Variants in ACAN observed in about 807,000 individuals in gnomAD.
ACAN encodes aggrecan.
Under a neutral mutation model 169.1 loss-of-function variants are expected in ACAN, and 47 were observed. The ratio of observed to expected loss-of-function variants is 0.28; its 90% CI spans 0.22 to 0.35. The LOEUF (loss-of-function observed/expected upper bound fraction) is 0.35. Among genes scored for constraint, ACAN ranks in the 10% least tolerant of loss-of-function variants. ACAN has a pLI of 1.00. For missense variants in ACAN, 2,716 were observed against 2,759.9 expected (o/e 0.98, Z 0.36); for synonymous variants, 1,115 against 1,112.2 (o/e 1.00, Z -0.05).
chr15:88,832,824 C>T (rs1896397504), intron 1 of ACAN, among the ~76,000 whole-genome samples: 1 of 152,222 alleles, frequency 6.6e-6, no homozygotes, highest in Non-Finnish European at 1.5e-5. Context: ...GAGAGGCTCA[C>T]TCAGGCCTGA....
chr15:88,839,168 T>C lies in ACAN; in HGVS notation c.454+122T>C. ...GCTCCTCCACGCACCTCAGCCAAGT[T>C]ACTTAACTTCAGCTGCTTCCTCTGT... On this transcript the variant is annotated intron_variant, in intron 3 of 18. Transcript: ENST00000560601. The surrounding 1 kb of genome is among the most constrained non-coding windows in gnomAD (Gnocchi z 4.5). 7.7e-7 allele frequency: 1 copy of C among 1,290,442 alleles called. No homozygotes were observed. Among genetic ancestry groups the C allele is most frequent in the Non-Finnish European group, 1.1e-6 (1 of 937,848 alleles). 79.9% of individuals were successfully genotyped at this position (1,290,442 alleles called of 1,614,324 possible).
chr15:88,871,893 G>A lies in ACAN; in HGVS notation c.7220-110G>A. On this transcript the variant is annotated intron_variant, in intron 15 of 18. Transcript: ENST00000560601. The surrounding 1 kb of genome is among the most constrained non-coding windows in gnomAD (Gnocchi z 7.8). ...AGAAGCACGTGCCTTGCTCCTAGGA[G>A]CCCACCCACCTCCTTTCCTCCTCCA... 2.0e-6 allele frequency: 2 copies of A among 1,011,570 alleles called. No homozygotes were observed. Among genetic ancestry groups the A allele is most frequent in the Non-Finnish European group, 3.1e-6 (2 of 641,436 alleles). The allele number at this position is 1,011,570 out of a possible 1,614,324, so 62.7% of individuals were successfully genotyped here. A position where few individuals can be genotyped will look rare whatever the true frequency, so the allele number is the denominator to read the frequency against.
Position 88,839,895 on chromosome 15 carries a change from A to G in ACAN, c.455-117A>G. On this transcript the variant is annotated intron_variant, in intron 3 of 18. Transcript: ENST00000560601. This position sits in a 1 kb window ranked among gnomAD's most constrained non-coding sequence, Gnocchi z 4.5. ...TGTACAGGGAGTCATGCATCAGCCC[A>G]GACCAGCCAGTTCCCTAAGGTCCCT... 2.3e-6 allele frequency: 3 copies of G among 1,280,472 alleles called. No homozygotes were observed. The highest frequency in any genetic ancestry group is 1.1e-6 in the Non-Finnish European group (1 of 924,112). 79.3% of individuals were successfully genotyped at this position (1,280,472 alleles called of 1,614,324 possible).
At chr15:88,867,765 C>CAGGAA (rs913236011) in intron 13 of ACAN, among the ~76,000 whole-genome samples, 1 of 152,166 alleles carries the variant, frequency 6.6e-6, no homozygotes, top group Admixed American at 6.5e-5. Flanking sequence ...CAAAGGAAGC[C>CAGGAA]AGGAAAAGAA....
chr15:88,845,281 T>C (rs1260071124), intron 6 of ACAN, among the ~76,000 whole-genome samples: 1 of 152,220 alleles, frequency 6.6e-6, no homozygotes, highest in Non-Finnish European at 1.5e-5. Context: ...TGCCCTCTGA[T>C]AGCTCTTGCA....
rs1400993152 is a variant in ACAN at position 88,807,555 on chromosome 15, G to A, written c.-8+3746G>A. ...GGCCCCTGGACGCAGTTGAAGAAGG[G>A]CCACTGGGAGGCCGGCAGAACAAGG... On this transcript the variant is annotated intron_variant, in intron 1 of 18. Coordinates refer to ENST00000560601, the MANE Select transcript of ACAN (RefSeq NM_001369268.1). This position sits in a 1 kb window ranked among gnomAD's most constrained non-coding sequence, Gnocchi z 4.0. Among the ~76,000 whole-genome samples, 1 of 152,192 alleles carries A rather than the reference G, an allele frequency of 6.6e-6. No homozygotes were observed. Among genetic ancestry groups the A allele is most frequent in the Non-Finnish European group, 1.5e-5 (1 of 68,028 alleles).
At chr15:88,833,732 C>A (rs780186627) in intron 1 of ACAN, among the ~76,000 whole-genome samples, 6 of 66,784 alleles carry the variant, frequency 9.0e-5, no homozygotes, top group South Asian at 7.0e-4. Flanking sequence ...CCCCTACCCC[C>A]ACTCTCCTCC....
intron 2 of ACAN, among the ~76,000 whole-genome samples, chr15:88,836,598 T>C (rs1896509763): frequency 6.6e-6 from 1 of 152,180 alleles, no homozygotes; most frequent in African/African-American, 2.4e-5. Context: ...GCACTGAGCT[T>C]GCCGGAGGGG....
chr15:88,818,208 C>T (rs1041997369), intron 1 of ACAN, among the ~76,000 whole-genome samples: 1 of 152,174 alleles, frequency 6.6e-6, no homozygotes, highest in Admixed American at 6.5e-5. Flanking sequence ...AGGAGAGAGC[C>T]ATGTCTGCAA....
intron 2 of ACAN, 33 bp downstream of exon 2, chr15:88,836,309 C>T (rs1896502470): frequency 1.1e-5 from 18 of 1,569,998 alleles, no homozygotes; most frequent in Non-Finnish European, 1.6e-5. Flanking sequence ...TTCACGTATT[C>T]AGTAGGCATG....
chr15:88,860,309 T>TC lies in ACAN; in HGVS notation c.6833-13dup, dbSNP rs1202722692. 6.3e-7 allele frequency: 1 copy of TC among 1,580,476 alleles called. No individual in the cohort carries two copies. Reference sequence around the variant, plus strand: ...GACTGTGTTCTTGATGCTCAACCTCTCCCCTGGGGGTTGCAGCCCCCGCCA... The same window carrying TC: ...GACTGTGTTCTTGATGCTCAACCTCTCCCCCTGGGGGTTGCAGCCCCCGCCA... On this transcript the variant is annotated splice_polypyrimidine_tract_variant and intron_variant, in intron 12 of 18. Transcript: ENST00000560601.
At position 88,843,860 on chromosome 15, in the gene ACAN, G is replaced by A. The variant is rs928232141; in HGVS notation, c.1051+212G>A. Reference sequence around the variant, plus strand: ...TTGAGACTGCAGCGTATCTAGCTCTGTCTCATCGGATCAGCACAGACGAGG... The same window carrying A: ...TTGAGACTGCAGCGTATCTAGCTCTATCTCATCGGATCAGCACAGACGAGG... On this transcript the variant is annotated intron_variant, in intron 6 of 18. Transcript: ENST00000560601. This position sits in a 1 kb window ranked among gnomAD's most constrained non-coding sequence, Gnocchi z 4.0. 6.6e-6 allele frequency among the ~76,000 whole-genome samples: 1 copy of A among 152,172 alleles called. No individual in the cohort carries two copies. The highest frequency in any genetic ancestry group is 1.5e-5 in the Non-Finnish European group (1 of 68,038).
intron 1 of ACAN, among the ~76,000 whole-genome samples, chr15:88,823,304 A>C (rs1325437804): frequency 1.3e-5 from 2 of 152,230 alleles, no homozygotes; most frequent in African/African-American, 4.8e-5. Context: ...TCTGATATTT[A>C]CACAAAGTCT....
Position 88,859,232 on chromosome 15 carries a change from G to A in ACAN, c.6647G>A (p.Ser2216Asn). The stretch of plus-strand genomic sequence containing the variant: ...CAGCTGGGCGTTGTCATCAGCACCA[G>A]CATCCCAGAGTCTGAGTGGACCCAG... Reference protein sequence around the residue: ...TSQLGVVISTSIPESEWTQQT... With the variant: ...TSQLGVVISTNIPESEWTQQT... Residue 2216 changes from serine (S) to asparagine (N), a missense_variant, in exon 12 of 19, where the codon AGC becomes AAC. Physicochemically the swap from Ser to Asn is conservative, Grantham distance 46 (BLOSUM62 1). Transcript: ENST00000560601. The A allele has an allele frequency of 6.2e-7, 1 of 1,613,862 alleles. No individual in the cohort carries two copies. The highest frequency in any genetic ancestry group is 8.5e-7 in the Non-Finnish European group (1 of 1,179,874).
Position 88,854,879 on chromosome 15 carries a change from G to GC in ACAN, c.2295dup (p.Ala766ArgfsTer14). The GC allele has an allele frequency of 6.6e-7, 1 of 1,508,476 alleles. No homozygotes were observed. Among genetic ancestry groups the GC allele is most frequent in the Non-Finnish European group, 8.8e-7 (1 of 1,134,130 alleles). The allele number at this position is 1,508,476 out of a possible 1,614,324, so 93.4% of individuals were successfully genotyped here. On this transcript the variant is annotated frameshift_variant, in exon 12 of 19. Transcript: ENST00000560601. LOFTEE classifies it high-confidence loss of function. ...ATCCTTCCTACTTGGCCTCCCACTGGCGCAGCAACAGAGGAAAGTACAGAA... is the reference window on the plus strand; with the variant it reads ...ATCCTTCCTACTTGGCCTCCCACTGGCCGCAGCAACAGAGGAAAGTACAGAA...
Position 88,840,139 on chromosome 15 carries a change from C to T in ACAN, c.582C>T (p.Asp194=), listed in dbSNP as rs375544241. ...TPEQLQAAYE[D]GFHQCDAGWL... is the part of the protein sequence containing the mutation. The stretch of plus-strand genomic sequence containing the variant: ...AGCAGCTGCAGGCCGCCTACGAAGA[C>T]GGCTTCCACCAGTGTGACGCCGGCT... Residue 194 remains aspartate, a synonymous_variant, in exon 4 of 19, where the codon GAC becomes GAT. Transcript: ENST00000560601. 1.2e-3 allele frequency: 1,961 copies of T among 1,605,930 alleles called. 7 individuals carry two copies. The highest frequency in any genetic ancestry group is 8.4e-3 in the South Asian group (753 of 89,272).
chr15:88,828,459 G>A (rs930973895), intron 1 of ACAN, among the ~76,000 whole-genome samples: 1 of 151,882 alleles, frequency 6.6e-6, no homozygotes. Flanking sequence ...CCTCACTTCT[G>A]TTAGATGTGT....
At chr15:88,815,947 A>G (rs1596114159) in intron 1 of ACAN, among the ~76,000 whole-genome samples, 1 of 152,214 alleles carries the variant, frequency 6.6e-6, no homozygotes, top group Non-Finnish European at 1.5e-5. Flanking sequence ...TGGCAGGGCC[A>G]TGCTCCCTCT....
intron 1 of ACAN, 130 bp from the exon 2 acceptor site, chr15:88,836,070 C>T: frequency 1.6e-6 from 1 of 643,744 alleles, no homozygotes; most frequent in Non-Finnish European, 2.8e-6. Context: ...CCACGTGCAG[C>T]CTCCTTCTCT....
Sources: gnomAD v4.1 joint callset for allele counts (sites outside exome capture counted in the v4.1 genomes callset) on GRCh38, gnomAD v4.1.1 for gene constraint, Gnocchi (gnomAD v3.1) non-coding constraint, MANE v1.5 for transcripts, NCBI Gene and HGNC (gene_info 2026-07-23, HGNC 2026-07-21) for gene names.